The following NPSR1 variants were observed in gnomAD, a reference collection of about 807,000 sequenced individuals.
NPSR1 encodes the protein neuropeptide S receptor 1.
Under a neutral mutation model 46.9 loss-of-function variants are expected in NPSR1, and 48 were observed. The observed-to-expected ratio is 1.02, with a 90% CI of 0.81 to 1.30. The LOEUF (loss-of-function observed/expected upper bound fraction) is 1.30, where lower values mean the gene tolerates loss of function less well. Among genes scored for constraint, NPSR1 ranks in the 50% most tolerant of loss-of-function variants. NPSR1 has a pLI of 0.00. For missense variants in NPSR1, 450 were observed against 449.5 expected (o/e 1.00, Z -0.01); for synonymous variants, 176 against 168.1 (o/e 1.05, Z -0.36).
intron 4 of NPSR1, among the ~76,000 whole-genome samples, chr7:34,819,420 G>A (rs1192913164): frequency 1.3e-5 from 2 of 152,210 alleles, no homozygotes; most frequent in African/African-American, 4.8e-5. Context: ...GAAACAACAG[G>A]TGCTGGAGAG....
intron 2 of NPSR1, among the ~76,000 whole-genome samples, chr7:34,745,039 C>T (rs34951440): frequency 3.6e-3 from 543 of 152,278 alleles, no homozygotes; most frequent in Non-Finnish European, 5.7e-3. Context: ...TATGCAAACA[C>T]AGCATCATTT....
At chr7:34,790,929 A>ATGTTATATTATATATCATATATGTTATG (rs1291442207) in intron 3 of NPSR1, among the ~76,000 whole-genome samples, 1 of 115,986 alleles carries the variant, frequency 8.6e-6, no homozygotes, top group African/African-American at 4.6e-5. Flanking sequence ...TATATGTTAT[A>ATGTTATATTATATATCATATATGTTATG]TGTTATATTA....
intron 2 of NPSR1, among the ~76,000 whole-genome samples, chr7:34,738,195 A>G (rs2128717504): frequency 6.6e-6 from 1 of 152,336 alleles, no homozygotes; most frequent in South Asian, 2.1e-4. Flanking sequence ...TGTGTACTAT[A>G]GTATCTTCAT....
intron 6 of NPSR1, among the ~76,000 whole-genome samples, chr7:34,839,906 T>C (rs938133445): frequency 1.3e-5 from 2 of 152,110 alleles, no homozygotes; most frequent in African/African-American, 4.8e-5. Context: ...CTTAGTCACA[T>C]GACTACACAC....
At chr7:34,752,504 G>C (rs1448469827) in intron 2 of NPSR1, among the ~76,000 whole-genome samples, 1 of 152,104 alleles carries the variant, frequency 6.6e-6, no homozygotes, top group African/African-American at 2.4e-5. Context: ...CTCTTGATGG[G>C]CTTTTGTTAC....
At chr7:34,665,517 A>G (rs995996514) in intron 1 of NPSR1, among the ~76,000 whole-genome samples, 7 of 152,122 alleles carry the variant, frequency 4.6e-5, no homozygotes, top group Non-Finnish European at 1.0e-4. Flanking sequence ...TTCTGACCCA[A>G]TCACCTTCTC....
At chr7:34,732,508 A>C (rs1447989817) in intron 2 of NPSR1, among the ~76,000 whole-genome samples, 1 of 152,126 alleles carries the variant, frequency 6.6e-6, no homozygotes, top group African/African-American at 2.4e-5. Flanking sequence ...ACCCACTGCC[A>C]GCTTAAGATT....
chr7:34,846,762 C>A (rs36025645), intron 7 of NPSR1, among the ~76,000 whole-genome samples: 2,096 of 152,236 alleles, frequency 0.014, 41 homozygotes, highest in African/African-American at 0.04. Flanking sequence ...AATCTTTCCT[C>A]CATTTACAAC....
chr7:34,745,672 C>A (rs370633687), intron 2 of NPSR1, among the ~76,000 whole-genome samples: 17 of 152,128 alleles, frequency 1.1e-4, no homozygotes. Flanking sequence ...GTGTGCACCA[C>A]CAAGCCCAGC....
At chr7:34,779,661 T>G (rs1259016480) in intron 3 of NPSR1, 1 of 935,910 alleles carries the variant, frequency 1.1e-6, no homozygotes, top group African/African-American at 1.7e-5. Context: ...TTTTCTATTA[T>G]GTACGGCTAG....
At chr7:34,872,671 C>A (rs1479379636) in intron 8 of NPSR1, among the ~76,000 whole-genome samples, 1 of 151,644 alleles carries the variant, frequency 6.6e-6, no homozygotes, top group African/African-American at 2.4e-5. Context: ...CAAATTATGT[C>A]TTACATGGAT....
Position 34,728,799 on chromosome 7 carries a change from C to A in NPSR1, c.280+44115C>A, listed in dbSNP as rs370771334. 7 of 152,726 alleles carry A rather than the reference C, an allele frequency of 4.6e-5. No homozygotes were observed. The South Asian group carries it at 1.5e-3, about 32-fold the overall frequency. 9.5% of individuals were successfully genotyped at this position (152,726 alleles called of 1,614,324 possible). A position where few individuals can be genotyped will look rare whatever the true frequency, so the allele number is the denominator to read the frequency against. On this transcript the variant is annotated intron_variant, in intron 2 of 8. Coordinates refer to ENST00000360581, the MANE Select transcript of NPSR1 (RefSeq NM_207172.2). ...TTGCAGTGACTGAACTGTCTCCCTG[C>A]GTTTCTTCTCACATAAGCTGTAAAT...
At chr7:34,726,647 G>A (rs1313685251) in intron 2 of NPSR1, among the ~76,000 whole-genome samples, 4 of 151,984 alleles carry the variant, frequency 2.6e-5, no homozygotes, top group Middle Eastern at 3.2e-3. Flanking sequence ...ACAAACTATA[G>A]TACATCCAGA....
chr7:34,845,894 C>G (rs796212454), intron 7 of NPSR1, among the ~76,000 whole-genome samples: 6 of 152,232 alleles, frequency 3.9e-5, no homozygotes, highest in African/African-American at 1.4e-4. Context: ...TTAAATACCC[C>G]CTCCTTGCCC....
At chr7:34,671,115 T>C (rs1418904013) in intron 1 of NPSR1, among the ~76,000 whole-genome samples, 1 of 152,180 alleles carries the variant, frequency 6.6e-6, no homozygotes. Flanking sequence ...AACCATAGAA[T>C]GGAATATTAA....
intron 7 of NPSR1, 25 bp from the exon 8 acceptor site, chr7:34,848,458 T>C (rs751251240): frequency 1.2e-6 from 2 of 1,610,412 alleles, no homozygotes; most frequent in Non-Finnish European, 1.7e-6. Flanking sequence ...CCTGCTGTGA[T>C]GCTAATGGCT....
chr7:34,838,898 T>A (rs1254153549), intron 6 of NPSR1, among the ~76,000 whole-genome samples: 1 of 152,186 alleles, frequency 6.6e-6, no homozygotes, highest in Non-Finnish European at 1.5e-5. Flanking sequence ...AGTGTACCCA[T>A]GGAACAGACA....
chr7:34,707,703 C>T (rs771971945), intron 2 of NPSR1, among the ~76,000 whole-genome samples: 5 of 152,176 alleles, frequency 3.3e-5, no homozygotes, highest in Non-Finnish European at 7.4e-5. Flanking sequence ...AAGCTTTAGA[C>T]TTTATTTGCC....
intron 2 of NPSR1, among the ~76,000 whole-genome samples, chr7:34,778,061 A>C (rs1485582435): frequency 1.5e-4 from 23 of 152,174 alleles, no homozygotes; most frequent in Admixed American, 1.4e-3. Flanking sequence ...GGGTGTAGTA[A>C]GGGGAATTTT....
Sources: allele counts gnomAD v4.1 joint callset (sites outside exome capture counted in the v4.1 genomes callset), GRCh38; gene constraint gnomAD v4.1.1; transcripts MANE v1.5; gene names NCBI Gene and HGNC (gene_info 2026-07-23, HGNC 2026-07-21).